Variants in CTNND2 observed in about 807,000 individuals in gnomAD.
The protein encoded by CTNND2 is catenin delta-2.
A neutral mutation model predicts 144.4 loss-of-function variants in CTNND2; 22 were observed. That is an observed-to-expected ratio of 0.15 (90% confidence interval 0.11 to 0.22). CTNND2 has a LOEUF of 0.22. Ranked by LOEUF, CTNND2 falls within the 10% of genes least tolerant of loss-of-function variation. The pLI is 1.00. For missense variants in CTNND2, 1,353 were observed against 1,618.8 expected (o/e 0.84, Z 2.82); for synonymous variants, 751 against 695.6 (o/e 1.08, Z -1.25).
intron 2 of CTNND2, among the ~76,000 whole-genome samples, chr5:11,571,217 G>T (rs1314819427): frequency 6.6e-6 from 1 of 151,960 alleles, no homozygotes; most frequent in East Asian, 1.9e-4. Context: ...ATGTATTTTT[G>T]AAGGTATCTC....
At chr5:11,166,873 TCC>T (rs1759390115) in intron 11 of CTNND2, among the ~76,000 whole-genome samples, 1 of 152,106 alleles carries the variant, frequency 6.6e-6, no homozygotes, top group Non-Finnish European at 1.5e-5. Context: ...TGGAAAACAT[TCC>T]TATACCACAC....
At chr5:11,329,315 C>T (rs1344324735) in intron 9 of CTNND2, among the ~76,000 whole-genome samples, 15 of 152,170 alleles carry the variant, frequency 9.9e-5, no homozygotes, top group Admixed American at 1.3e-4. Context: ...CCACCACACG[C>T]GGCTAATATT....
At chr5:11,706,693 T>C (rs1561713754) in intron 2 of CTNND2, among the ~76,000 whole-genome samples, 1 of 152,220 alleles carries the variant, frequency 6.6e-6, no homozygotes, top group Non-Finnish European at 1.5e-5. Context: ...GTCAGTCTCC[T>C]TTCACTTAAC....
intron 3 of CTNND2, among the ~76,000 whole-genome samples, chr5:11,504,447 T>A (rs184452580): frequency 2.9e-4 from 44 of 152,348 alleles, no homozygotes; most frequent in African/African-American, 1.0e-3. Context: ...CTGCACCAGC[T>A]AGGACCTGCT....
At chr5:11,503,377 A>G (rs1191106029) in intron 3 of CTNND2, among the ~76,000 whole-genome samples, 1 of 152,214 alleles carries the variant, frequency 6.6e-6, no homozygotes, top group East Asian at 1.9e-4. Flanking sequence ...TATTATATTT[A>G]GCTTGGGAAT....
chr5:11,484,228 G>A (rs183266280), intron 3 of CTNND2, among the ~76,000 whole-genome samples: 1 of 152,330 alleles, frequency 6.6e-6, no homozygotes, highest in East Asian at 1.9e-4. Flanking sequence ...CTAGCCGAGT[G>A]TTCTGCTCCT....
At chr5:11,103,647 G>A (rs1209127653) in intron 14 of CTNND2, among the ~76,000 whole-genome samples, 1 of 151,830 alleles carries the variant, frequency 6.6e-6, no homozygotes, top group African/African-American at 2.4e-5. Flanking sequence ...TCCAGCCTGT[G>A]TGACAGAGCA....
At chr5:11,645,652 C>T (rs988857226) in intron 2 of CTNND2, among the ~76,000 whole-genome samples, 5 of 152,162 alleles carry the variant, frequency 3.3e-5, no homozygotes, top group Admixed American at 1.3e-4. Context: ...GGATTAATAG[C>T]ACTTCCAGAT....
intron 7 of CTNND2, among the ~76,000 whole-genome samples, chr5:11,381,885 T>C (rs1244926057): frequency 6.6e-6 from 1 of 152,120 alleles, no homozygotes; most frequent in Non-Finnish European, 1.5e-5. Flanking sequence ...GAGAATGGCG[T>C]AAACCTGGGA....
At chr5:11,659,701 G>A (rs1386620265) in intron 2 of CTNND2, among the ~76,000 whole-genome samples, 6 of 152,118 alleles carry the variant, frequency 3.9e-5, no homozygotes, top group Admixed American at 3.9e-4. Context: ...CAGGGCCACT[G>A]TTTCCTGCAT....
intron 10 of CTNND2, among the ~76,000 whole-genome samples, chr5:11,228,365 A>C (rs1433584034): frequency 3.4e-5 from 5 of 146,104 alleles, no homozygotes; most frequent in African/African-American, 5.4e-5. Context: ...AAAAAAAAAA[A>C]AAAAAAAAAA....
intron 3 of CTNND2, among the ~76,000 whole-genome samples, chr5:11,539,907 G>A (rs1347376824): frequency 1.3e-5 from 2 of 152,136 alleles, no homozygotes; most frequent in Admixed American, 1.3e-4. Context: ...GGTGGTGGGC[G>A]TCTGTAATCC....
chr5:11,710,131 G>A (rs921227765), intron 2 of CTNND2, among the ~76,000 whole-genome samples: 4 of 152,082 alleles, frequency 2.6e-5, no homozygotes, highest in Admixed American at 2.6e-4. Context: ...CAAGAGAAGG[G>A]CAGGCAAAGG....
intron 2 of CTNND2, among the ~76,000 whole-genome samples, chr5:11,611,125 G>T (rs1441436755): frequency 3.9e-5 from 6 of 152,132 alleles, no homozygotes; most frequent in African/African-American, 1.2e-4. Context: ...GTTCTCATGA[G>T]ATCTGATGGT....
chr5:11,087,120 C>G (rs1016354586), intron 15 of CTNND2, among the ~76,000 whole-genome samples: 3 of 152,166 alleles, frequency 2.0e-5, no homozygotes, highest in Non-Finnish European at 4.4e-5. Flanking sequence ...GCCATATCCT[C>G]AGTTTTTCTT....
At chr5:11,129,863 C>T (rs539299176) in intron 12 of CTNND2, among the ~76,000 whole-genome samples, 8 of 152,238 alleles carry the variant, frequency 5.3e-5, no homozygotes, top group Non-Finnish European at 8.8e-5. Flanking sequence ...GTATTACCCG[C>T]ATTAGGATTA....
At chr5:11,597,874 TG>T (rs1345728006) in intron 2 of CTNND2, among the ~76,000 whole-genome samples, 1 of 152,178 alleles carries the variant, frequency 6.6e-6, no homozygotes, top group East Asian at 1.9e-4. Flanking sequence ...GAATAGTCTT[TG>T]AAAATATAAT....
At chr5:11,642,757 T>C (rs1260867185) in intron 2 of CTNND2, among the ~76,000 whole-genome samples, 1 of 152,240 alleles carries the variant, frequency 6.6e-6, no homozygotes, top group Non-Finnish European at 1.5e-5. Context: ...TCTGCTTTTC[T>C]TATCATTATG....
At chr5:11,287,158 C>T (rs1747841251) in intron 9 of CTNND2, among the ~76,000 whole-genome samples, 2 of 152,160 alleles carry the variant, frequency 1.3e-5, no homozygotes, top group Non-Finnish European at 2.9e-5. Context: ...TACACAGATA[C>T]AGTATTTGGT....
Sources: gnomAD v4.1 joint callset for allele counts (sites outside exome capture counted in the v4.1 genomes callset) on GRCh38, gnomAD v4.1.1 for gene constraint, MANE v1.5 for transcripts, NCBI Gene and HGNC (gene_info 2026-07-23, HGNC 2026-07-21) for gene names.